Variants in CELF1 observed in about 807,000 individuals in gnomAD.
CELF1 encodes the protein 50 kDa nuclear polyadenylated RNA-binding protein.
In CELF1, 10 loss-of-function variants were observed where a neutral mutation model predicts 61.8. The observed-to-expected ratio is 0.16, with a 90% CI of 0.10 to 0.27. The LOEUF (loss-of-function observed/expected upper bound fraction) is 0.27. Ranked by LOEUF, CELF1 falls within the 10% of genes least tolerant of loss-of-function variation. CELF1 has a pLI of 1.00. For missense variants in CELF1, 380 were observed against 639.1 expected, an observed-to-expected ratio of 0.59 and a Z score of 4.37; for synonymous variants, 236 against 225.1, an observed-to-expected ratio of 1.05 and a Z score of -0.43.
intron 1 of CELF1, among the ~76,000 whole-genome samples, chr11:47,517,950 T>A (rs934516224): frequency 6.6e-6 from 1 of 152,044 alleles, no homozygotes; most frequent in Non-Finnish European, 1.5e-5. Context: ...CTACTGAAAA[T>A]TTTTTTAAAG....
intron 1 of CELF1, among the ~76,000 whole-genome samples, chr11:47,528,502 G>T (rs1174476875): frequency 2.0e-5 from 3 of 152,072 alleles, no homozygotes; most frequent in Non-Finnish European, 2.9e-5. Context: ...TGTAATACAA[G>T]CACTTTGGGA....
At chr11:47,499,369 A>G in intron 3 of CELF1, 84 bp downstream of exon 3, 1 of 1,105,688 alleles carries the variant, frequency 9.0e-7, no homozygotes, top group Non-Finnish European at 1.3e-6. Flanking sequence ...TCCCCTTCTT[A>G]AAAAAAGGAA....
intron 3 of CELF1, among the ~76,000 whole-genome samples, chr11:47,489,419 C>G (rs916203245): frequency 2.6e-5 from 4 of 152,184 alleles, no homozygotes; most frequent in African/African-American, 4.8e-5. Context: ...TAACAAAGGA[C>G]TATTGATTAC....
chr11:47,483,196 T>C (rs1294923517), intron 8 of CELF1, among the ~76,000 whole-genome samples: 1 of 152,064 alleles, frequency 6.6e-6, no homozygotes. Flanking sequence ...GCCTGGGTGG[T>C]TGGGGCTGCA....
intron 1 of CELF1, among the ~76,000 whole-genome samples, chr11:47,526,726 T>C (rs1289723768): frequency 2.0e-5 from 3 of 152,148 alleles, no homozygotes; most frequent in African/African-American, 7.2e-5. Context: ...TATGCTGATA[T>C]AACTATGAGA....
intron 1 of CELF1, among the ~76,000 whole-genome samples, chr11:47,539,350 GA>G (rs1264413665): frequency 1.3e-5 from 2 of 152,154 alleles, no homozygotes; most frequent in Non-Finnish European, 2.9e-5. Flanking sequence ...GGGTATGGGG[GA>G]AAAAGCACTC....
chr11:47,549,469 T>C (rs551059496), intron 1 of CELF1, among the ~76,000 whole-genome samples: 7 of 152,250 alleles, frequency 4.6e-5, no homozygotes, highest in African/African-American at 7.2e-5. Flanking sequence ...TATATATATA[T>C]ACACAATGGA....
intron 1 of CELF1, among the ~76,000 whole-genome samples, chr11:47,509,403 G>A (rs2094863157): frequency 1.3e-5 from 2 of 152,092 alleles, no homozygotes; most frequent in Non-Finnish European, 2.9e-5. Context: ...AAAGCTAAGA[G>A]GGGGGCTGGG....
chr11:47,536,353 G>A (rs1254524202), intron 1 of CELF1, among the ~76,000 whole-genome samples: 5 of 152,164 alleles, frequency 3.3e-5, no homozygotes, highest in Non-Finnish European at 7.3e-5. Context: ...GCGACAAGGC[G>A]AGATTGTCAT....
At chr11:47,525,553 C>T (rs942631385) in intron 1 of CELF1, among the ~76,000 whole-genome samples, 1 of 152,198 alleles carries the variant, frequency 6.6e-6, no homozygotes, top group African/African-American at 2.4e-5. Flanking sequence ...TACAAGTGAT[C>T]CACTCACTTC....
intron 1 of CELF1, chr11:47,524,129 A>G (rs1430302327): frequency 6.6e-6 from 1 of 152,124 alleles, no homozygotes; most frequent in Non-Finnish European, 1.5e-5. Flanking sequence ...CAGCGAAGTC[A>G]ACACACTTAA....
intron 1 of CELF1, among the ~76,000 whole-genome samples, chr11:47,546,263 CCGGGGGCGGGGG>C (rs1491136924): frequency 9.9e-6 from 1 of 100,882 alleles, no homozygotes; most frequent in Non-Finnish European, 2.0e-5. Context: ...TGGGCGGGGG[CCGGGGGCGGGGG>C]CGGGGGAGGG....
At chr11:47,531,552 G>A (rs1466777894) in intron 1 of CELF1, among the ~76,000 whole-genome samples, 1 of 130,080 alleles carries the variant, frequency 7.7e-6, no homozygotes, top group Non-Finnish European at 1.6e-5. Context: ...CTGGGCAACA[G>A]AGCGAGACTC....
intron 1 of CELF1, among the ~76,000 whole-genome samples, chr11:47,552,146 C>G (rs1323066913): frequency 3.9e-5 from 6 of 152,088 alleles, no homozygotes; most frequent in Non-Finnish European, 8.8e-5. Context: ...GGTAATAAAC[C>G]TACAGCTCTC....
chr11:47,484,487 G>T lies in CELF1; in HGVS notation c.428C>A (p.Ser143Tyr). 1 of 1,613,134 alleles carries T rather than the reference G, an allele frequency of 6.2e-7. No individual in the cohort carries two copies. Among genetic ancestry groups the T allele is most frequent in the Non-Finnish European group, 8.5e-7 (1 of 1,179,650 alleles). ...GATGTCATTTTCAGTGCACTTCTTG[G>T]AAATCATACCAATAAACAGCTTCCT... is the stretch of plus-strand genomic sequence containing the variant. ...EDRKLFIGMI[S>Y]KKCTENDIRV... The change falls in exon 7 of 15, where the codon TCC becomes TAC. Residue 143 changes from serine to tyrosine, a missense_variant. By Grantham distance (144) the Ser-to-Tyr change is moderately radical. Transcript: ENST00000687097.
chr11:47,482,933 T>C (rs1036089433), intron 8 of CELF1, 77 bp from the exon 9 acceptor site: 8 of 1,317,874 alleles, frequency 6.1e-6, no homozygotes, highest in Non-Finnish European at 8.5e-6. Flanking sequence ...TTGGATGACA[T>C]GCAGGTTACA....
At chr11:47,547,829 T>A (rs957965963) in intron 1 of CELF1, among the ~76,000 whole-genome samples, 1 of 151,850 alleles carries the variant, frequency 6.6e-6, no homozygotes, top group African/African-American at 2.4e-5. Context: ...ATAAGAAAAT[T>A]CACAGAAACA....
At chr11:47,511,497 C>T (rs2095167661) in intron 1 of CELF1, among the ~76,000 whole-genome samples, 1 of 152,118 alleles carries the variant, frequency 6.6e-6, no homozygotes, top group Admixed American at 6.6e-5. Flanking sequence ...ACCATCAGTG[C>T]TAATAAATGT....
intron 1 of CELF1, among the ~76,000 whole-genome samples, chr11:47,529,078 T>C (rs762579412): frequency 1.1e-4 from 14 of 124,478 alleles, no homozygotes; most frequent in Non-Finnish European, 2.1e-4. Context: ...TTTATTTTAC[T>C]TTTTTTTTTT....
Sources: allele counts gnomAD v4.1 joint callset (sites outside exome capture counted in the v4.1 genomes callset), GRCh38; gene constraint gnomAD v4.1.1; transcripts MANE v1.5; gene names NCBI Gene and HGNC (gene_info 2026-07-23, HGNC 2026-07-21).